The following AGBL4 variants were observed in gnomAD, a reference collection of about 807,000 sequenced individuals.
AGBL4 encodes the protein cytosolic carboxypeptidase 6.
Under a neutral mutation model 66.4 loss-of-function variants are expected in AGBL4, and 58 were observed. That is an observed-to-expected ratio of 0.87 (90% CI 0.71 to 1.09). AGBL4 has a LOEUF of 1.09. Ranked by LOEUF, AGBL4 falls within the 50% of genes least tolerant of loss-of-function variation. AGBL4 has a pLI of 0.00. For missense variants in AGBL4, 579 were observed against 631.0 expected (o/e 0.92, Z 0.88); for synonymous variants, 234 against 222.9 (o/e 1.05, Z -0.44).
In AGBL4 at chr1:49,940,083, C is replaced by G. The variant is rs553910546; in HGVS notation, c.34+83680G>C. Among the ~76,000 whole-genome samples, 237 of 152,264 alleles carry G rather than the reference C, an allele frequency of 1.6e-3. 1 individual carries two copies. Among genetic ancestry groups the G allele is most frequent in the African/African-American group, 4.9e-3 (202 of 41,542 alleles). ...TCTCAAAAGAAGACATTTATGCAGC[C>G]AACAGACACATGAAAAAATGCTCAT... On this transcript the variant is annotated intron_variant, in intron 1 of 13. Transcript: ENST00000371839.
At chr1:49,826,665 G>C (rs1420994949) in intron 2 of AGBL4, among the ~76,000 whole-genome samples, 3 of 152,162 alleles carry the variant, frequency 2.0e-5, no homozygotes, top group Non-Finnish European at 2.9e-5. Context: ...AAAGAAGAAG[G>C]CTTTAGGGTG....
At chr1:49,861,846 C>T (rs1308500455) in intron 1 of AGBL4, among the ~76,000 whole-genome samples, 1 of 152,166 alleles carries the variant, frequency 6.6e-6, no homozygotes, top group African/African-American at 2.4e-5. Flanking sequence ...TGGGGTGCCC[C>T]CTAAAGCAGA....
intron 3 of AGBL4, among the ~76,000 whole-genome samples, chr1:49,372,623 C>CTTTCTTTCTTTCTTTCTTT (rs1557878394): frequency 3.5e-5 from 3 of 86,342 alleles, no homozygotes; most frequent in Non-Finnish European, 7.2e-5. Context: ...TTCTTTCTTT[C>CTTTCTTTCTTTCTTTCTTT]TTTCTTTCTT....
intron 3 of AGBL4, among the ~76,000 whole-genome samples, chr1:49,341,865 T>C (rs1645546227): frequency 6.6e-6 from 1 of 152,168 alleles, no homozygotes; most frequent in Admixed American, 6.5e-5. Context: ...CAGGCAATGC[T>C]TTTCTCCCTC....
chr1:49,770,697 T>C (rs1330016212), intron 2 of AGBL4, among the ~76,000 whole-genome samples: 2 of 152,210 alleles, frequency 1.3e-5, no homozygotes, highest in South Asian at 2.1e-4. Context: ...TACTCACTTA[T>C]TGTTCTGTTC....
Position 48,533,626 on chromosome 1 carries a change from T to C in AGBL4, c.*547A>G. The C allele has an allele frequency of 6.4e-6, 1 of 157,102 alleles. No homozygotes were observed. The highest frequency in any genetic ancestry group is 1.4e-5 in the Non-Finnish European group (1 of 71,492). 9.7% of individuals were successfully genotyped at this position (157,102 alleles called of 1,614,324 possible). ...GGAATCAGCAAGCATGCAGCTTAGA[T>C]ACAGTGACCATATATTTAAGTCCAC... On this transcript the variant is annotated 3_prime_UTR_variant, in exon 14 of 14. Transcript: ENST00000371839.
At chr1:49,078,464 C>T (rs1644750496) in intron 4 of AGBL4, among the ~76,000 whole-genome samples, 1 of 152,148 alleles carries the variant, frequency 6.6e-6, no homozygotes, top group Non-Finnish European at 1.5e-5. Context: ...ACTAACCAGT[C>T]ACTGAATCTA....
chr1:49,675,427 G>A (rs537815806), intron 3 of AGBL4, among the ~76,000 whole-genome samples: 2 of 152,176 alleles, frequency 1.3e-5, no homozygotes, highest in South Asian at 4.1e-4. Flanking sequence ...AAAGTGAGGA[G>A]GGTGGGAGGG....
At chr1:49,628,806 A>G (rs1299907501) in intron 3 of AGBL4, among the ~76,000 whole-genome samples, 1 of 152,208 alleles carries the variant, frequency 6.6e-6, no homozygotes, top group East Asian at 1.9e-4. Flanking sequence ...ATGTAAAAGC[A>G]AATTGTTACT....
intron 3 of AGBL4, among the ~76,000 whole-genome samples, chr1:49,571,740 G>T (rs1338445793): frequency 4.6e-5 from 7 of 151,952 alleles, no homozygotes; most frequent in African/African-American, 9.7e-5. Context: ...TTTGATGTTT[G>T]TCTCCCTTCT....
At chr1:48,680,183 A>G (rs1347381968) in intron 6 of AGBL4, among the ~76,000 whole-genome samples, 1 of 152,230 alleles carries the variant, frequency 6.6e-6, no homozygotes, top group African/African-American at 2.4e-5. Context: ...TCAGACTGGG[A>G]AGATGAACTT....
intron 2 of AGBL4, among the ~76,000 whole-genome samples, chr1:49,831,420 G>T (rs759533989): frequency 6.6e-6 from 1 of 151,982 alleles, no homozygotes; most frequent in Non-Finnish European, 1.5e-5. Context: ...GTCTATTATT[G>T]GTGTATAGGA....
At chr1:49,620,030 C>T (rs950032423) in intron 3 of AGBL4, among the ~76,000 whole-genome samples, 1 of 152,110 alleles carries the variant, frequency 6.6e-6, no homozygotes, top group Non-Finnish European at 1.5e-5. Context: ...AGAAGAACAC[C>T]TAGGCAATAC....
intron 6 of AGBL4, among the ~76,000 whole-genome samples, chr1:48,700,378 T>C (rs201812281): frequency 2.0e-5 from 3 of 152,204 alleles, no homozygotes; most frequent in Non-Finnish European, 4.4e-5. Context: ...CACAGCACAA[T>C]TGAAATGCAC....
intron 6 of AGBL4, among the ~76,000 whole-genome samples, chr1:48,722,470 C>T (rs1265448255): frequency 6.6e-6 from 1 of 150,562 alleles, no homozygotes; most frequent in Non-Finnish European, 1.5e-5. Context: ...CCAACAACTG[C>T]ATAATGAGTA....
intron 4 of AGBL4, among the ~76,000 whole-genome samples, chr1:49,241,425 C>G (rs1445474770): frequency 6.6e-6 from 1 of 152,026 alleles, no homozygotes; most frequent in Non-Finnish European, 1.5e-5. Flanking sequence ...TGTTTCAGCT[C>G]TTAGTACAAA....
chr1:49,108,972 C>T (rs1295684276), intron 4 of AGBL4, among the ~76,000 whole-genome samples: 1 of 152,186 alleles, frequency 6.6e-6, no homozygotes, highest in Non-Finnish European at 1.5e-5. Flanking sequence ...GGCCCTTCAT[C>T]CAGTTACCTA....
intron 3 of AGBL4, chr1:49,269,243 C>G (rs1369510212): frequency 6.6e-6 from 1 of 152,200 alleles, no homozygotes; most frequent in Non-Finnish European, 1.5e-5. Flanking sequence ...TACAGAAAAA[C>G]CATCCGGTTG....
chr1:49,917,856 C>A (rs958054542), intron 1 of AGBL4, among the ~76,000 whole-genome samples: 1 of 152,026 alleles, frequency 6.6e-6, no homozygotes, highest in South Asian at 2.1e-4. Flanking sequence ...TCAGCAAATG[C>A]AAAACAACAG....
Sources: gnomAD v4.1 joint callset for allele counts (sites outside exome capture counted in the v4.1 genomes callset) on GRCh38, gnomAD v4.1.1 for gene constraint, MANE v1.5 for transcripts, NCBI Gene and HGNC (gene_info 2026-07-23, HGNC 2026-07-21) for gene names.